GALNT18: variants seen among roughly 807,000 people sequenced by gnomAD.
GALNT18 encodes polypeptide N-acetylgalactosaminyltransferase 18, also known as GalNAc-transferase 18.
GALNT18 carries 44 observed loss-of-function variants against 69.5 expected under a neutral mutation model. The observed-to-expected ratio is 0.63, with a 90% CI of 0.50 to 0.81. GALNT18 has a LOEUF of 0.81. Among genes scored for constraint, GALNT18 ranks in the 40% least tolerant of loss-of-function variants. The pLI, the probability that GALNT18 is intolerant of heterozygous loss-of-function variation, is 0.00. For missense variants in GALNT18, 715 were observed against 810.0 expected (o/e 0.88, Z 1.42); for synonymous variants, 364 against 318.2 (o/e 1.14, Z -1.53).
chr11:11,525,237 C>T (rs1857492218), intron 1 of GALNT18, among the ~76,000 whole-genome samples: 1 of 152,044 alleles, frequency 6.6e-6, no homozygotes. Flanking sequence ...GCAATTTAAA[C>T]ATCACTCTCA....
At chr11:11,520,563 T>C (rs11021892) in intron 1 of GALNT18, among the ~76,000 whole-genome samples, 31,569 of 152,182 alleles carry the variant, frequency 0.21, 3,845 homozygotes, top group Non-Finnish European at 0.25. Flanking sequence ...AAGGGGATGT[T>C]GTGGGCTGGC....
intron 1 of GALNT18, among the ~76,000 whole-genome samples, chr11:11,449,578 C>A (rs1048013410): frequency 6.6e-6 from 1 of 152,236 alleles, no homozygotes; most frequent in Non-Finnish European, 1.5e-5. Context: ...GCGCTCTGGG[C>A]CCTGCTCATG....
At chr11:11,287,872 T>G (rs1040602317) in intron 10 of GALNT18, among the ~76,000 whole-genome samples, 6 of 152,182 alleles carry the variant, frequency 3.9e-5, no homozygotes, top group African/African-American at 1.4e-4. Context: ...TGGTCCTGTA[T>G]TGAGAACCAC....
In GALNT18 at chr11:11,496,153, T is replaced by C. The variant is rs1275952132; in HGVS notation, c.236-47217A>G. Among the ~76,000 whole-genome samples the C allele has an allele frequency of 3.3e-5, 5 of 152,080 alleles. No homozygotes were observed. The highest frequency in any genetic ancestry group is 7.2e-5 in the African/African-American group (3 of 41,432). On this transcript the variant is annotated intron_variant, in intron 1 of 10. Transcript: ENST00000227756. This position sits in a 1 kb window ranked among gnomAD's most constrained non-coding sequence, Gnocchi z 4.0. ...ATGAATGAATGAATGAATGAACAAATATGGAGAAAGCGTCTCTTGCAAACA... is the reference window on the plus strand; with the variant it reads ...ATGAATGAATGAATGAATGAACAAACATGGAGAAAGCGTCTCTTGCAAACA...
chr11:11,570,447 C>T (rs1253800911), intron 1 of GALNT18, among the ~76,000 whole-genome samples: 1 of 152,264 alleles, frequency 6.6e-6, no homozygotes, highest in Non-Finnish European at 1.5e-5. Flanking sequence ...TCCGGCCGTC[C>T]GGCCCCTGCC....
intron 1 of GALNT18, among the ~76,000 whole-genome samples, chr11:11,599,325 G>C (rs1022126627): frequency 1.1e-4 from 16 of 151,986 alleles, no homozygotes; most frequent in Admixed American, 7.9e-4. Flanking sequence ...CTTATGGATT[G>C]ATCCTTTTAT....
intron 9 of GALNT18, among the ~76,000 whole-genome samples, chr11:11,312,867 G>A (rs1173917441): frequency 2.6e-5 from 4 of 152,188 alleles, no homozygotes; most frequent in South Asian, 2.1e-4. Flanking sequence ...GCCAGGCGGT[G>A]CACTAGGAAC....
intron 3 of GALNT18, among the ~76,000 whole-genome samples, chr11:11,403,654 C>T (rs1854517975): frequency 6.6e-6 from 1 of 152,184 alleles, no homozygotes; most frequent in Non-Finnish European, 1.5e-5. Context: ...GTTATTCTGC[C>T]ATGGGAGAGA....
At chr11:11,386,286 C>T (rs1022950335) in intron 3 of GALNT18, among the ~76,000 whole-genome samples, 4 of 152,180 alleles carry the variant, frequency 2.6e-5, no homozygotes, top group Non-Finnish European at 5.9e-5. Context: ...GTACCATGTT[C>T]ATTGATGCCC....
intron 6 of GALNT18, among the ~76,000 whole-genome samples, chr11:11,366,395 A>G (rs1472313977): frequency 6.6e-6 from 1 of 152,216 alleles, no homozygotes; most frequent in Non-Finnish European, 1.5e-5. Flanking sequence ...ATATGCATCT[A>G]CATGTATAAT....
At position 11,383,995 on chromosome 11, in the gene GALNT18, G is replaced by A. The variant is rs1011647633; in HGVS notation, c.596-4731C>T. On this transcript the variant is annotated intron_variant, in intron 3 of 10. Coordinates refer to ENST00000227756, the MANE Select transcript of GALNT18 (RefSeq NM_198516.3). The surrounding 1 kb of genome is among the most constrained non-coding windows in gnomAD (Gnocchi z 5.2). ...TTCTTTATAAATTGCCCAGTCTCAG[G>A]TAGTTCTTTATAGCAGTGCGAGAAT... Among the ~76,000 whole-genome samples the A allele has an allele frequency of 1.3e-5, 2 of 152,014 alleles. No individual in the cohort carries two copies. The highest frequency in any genetic ancestry group is 6.6e-5 in the Admixed American group (1 of 15,246).
chr11:11,300,528 G>T (rs1564886596), intron 9 of GALNT18, among the ~76,000 whole-genome samples: 1 of 152,174 alleles, frequency 6.6e-6, no homozygotes, highest in Non-Finnish European at 1.5e-5. Context: ...GGAATTAAGA[G>T]CCCAGCTCTC....
chr11:11,580,299 G>C (rs959946247), intron 1 of GALNT18, among the ~76,000 whole-genome samples: 5 of 152,124 alleles, frequency 3.3e-5, no homozygotes. Flanking sequence ...AGCAAGGAAG[G>C]TGCCATCTTA....
intron 9 of GALNT18, among the ~76,000 whole-genome samples, chr11:11,295,633 GTGGAGGGAGGTGGGTGGAGAGTGTGTC>G (rs1015038966): frequency 2.0e-5 from 3 of 152,204 alleles, no homozygotes; most frequent in Admixed American, 1.3e-4. Context: ...GCCTCTCAGG[GTGGAGGGAGGTGGGTGGAGAGTGTGTC>G]TGGAGGGAGG....
chr11:11,433,787 T>C (rs1390307823), intron 2 of GALNT18, among the ~76,000 whole-genome samples: 1 of 152,164 alleles, frequency 6.6e-6, no homozygotes, highest in Non-Finnish European at 1.5e-5. Context: ...CTAAATGCTG[T>C]TCTAGAAGGC....
intron 6 of GALNT18, among the ~76,000 whole-genome samples, chr11:11,353,756 G>A (rs1850469632): frequency 1.3e-5 from 2 of 152,098 alleles, no homozygotes; most frequent in Admixed American, 1.3e-4. Flanking sequence ...GTGTCCAAAG[G>A]GTGTTGCCAT....
At chr11:11,451,906 G>T (rs756238404) in intron 1 of GALNT18, among the ~76,000 whole-genome samples, 14 of 152,174 alleles carry the variant, frequency 9.2e-5, no homozygotes, top group Non-Finnish European at 1.3e-4. Context: ...TACACCAGGG[G>T]TGGCAAACCA....
intron 6 of GALNT18, among the ~76,000 whole-genome samples, chr11:11,369,342 C>T (rs1160606805): frequency 6.6e-6 from 1 of 152,172 alleles, no homozygotes; most frequent in African/African-American, 2.4e-5. Flanking sequence ...TTTGCCTGTT[C>T]CAGCTTTCGA....
chr11:11,360,893 A>C (rs976137078), intron 6 of GALNT18, among the ~76,000 whole-genome samples: 2 of 152,242 alleles, frequency 1.3e-5, no homozygotes, highest in African/African-American at 4.8e-5. Flanking sequence ...TTCTAAAAAA[A>C]TACCACATAA....
Sources: gnomAD v4.1 joint callset for allele counts (sites outside exome capture counted in the v4.1 genomes callset) on GRCh38, gnomAD v4.1.1 for gene constraint, Gnocchi (gnomAD v3.1) non-coding constraint, MANE v1.5 for transcripts, NCBI Gene and HGNC (gene_info 2026-07-23, HGNC 2026-07-21) for gene names.